Variants in SEMA3E observed in about 807,000 individuals in gnomAD.
The protein encoded by SEMA3E is semaphorin 3E, also known as semaphorin-3E.
SEMA3E carries 49 observed loss-of-function variants against 93.6 expected under a neutral mutation model. The ratio of observed to expected loss-of-function variants is 0.52; its 90% confidence interval spans 0.42 to 0.66. The LOEUF is 0.66. SEMA3E is among the 30% of genes least tolerant of loss of function. The probability of loss-of-function intolerance (pLI) is 0.00; values close to 1 mark genes in which losing one functional copy is unlikely to be tolerated. For synonymous variants in SEMA3E, 363 were observed against 330.7 expected (o/e 1.10, Z -1.06); for missense variants, 906 against 964.8 (o/e 0.94, Z 0.81).
chr7:83,478,348 A>G (rs1251362086), intron 2 of SEMA3E, among the ~76,000 whole-genome samples: 3 of 152,208 alleles, frequency 2.0e-5, no homozygotes. Context: ...GAAATATTCT[A>G]TGAGTTCCCC....
intron 1 of SEMA3E, among the ~76,000 whole-genome samples, chr7:83,500,330 G>A (rs148735385): frequency 1.8e-3 from 272 of 152,168 alleles, no homozygotes; most frequent in African/African-American, 6.1e-3. Context: ...CAGCTACTAG[G>A]GAGGCTGAGG....
chr7:83,549,194 A>T (rs762307660), intron 1 of SEMA3E, among the ~76,000 whole-genome samples: 7 of 152,144 alleles, frequency 4.6e-5, no homozygotes, highest in Non-Finnish European at 7.4e-5. Flanking sequence ...ATTTTATACC[A>T]ATTTATATTT....
At chr7:83,554,595 A>C (rs2115813421) in intron 1 of SEMA3E, among the ~76,000 whole-genome samples, 1 of 152,266 alleles carries the variant, frequency 6.6e-6, no homozygotes, top group Non-Finnish European at 1.5e-5. Context: ...GTAGTAATGT[A>C]ATATCAAAAG....
At chr7:83,507,360 G>C (rs1790722971) in intron 1 of SEMA3E, among the ~76,000 whole-genome samples, 1 of 151,172 alleles carries the variant, frequency 6.6e-6, no homozygotes, top group African/African-American at 2.4e-5. Flanking sequence ...TTAAAGTGAT[G>C]ATATAATTCT....
intron 1 of SEMA3E, among the ~76,000 whole-genome samples, chr7:83,634,514 A>G (rs952098311): frequency 4.6e-5 from 7 of 152,132 alleles, no homozygotes; most frequent in Non-Finnish European, 1.0e-4. Flanking sequence ...TGCCCAGTAC[A>G]TAACTTTTGT....
At chr7:83,504,478 C>G (rs1405116621) in intron 1 of SEMA3E, among the ~76,000 whole-genome samples, 1 of 152,124 alleles carries the variant, frequency 6.6e-6, no homozygotes, top group Non-Finnish European at 1.5e-5. Context: ...GTAGTGGCTA[C>G]AATGTGAGCT....
chr7:83,635,360 T>G (rs184806277), intron 1 of SEMA3E, among the ~76,000 whole-genome samples: 1 of 151,916 alleles, frequency 6.6e-6, no homozygotes, highest in Admixed American at 6.5e-5. Flanking sequence ...TCCTAATTTC[T>G]ATAGACTTCT....
At chr7:83,546,604 T>G (rs906439781) in intron 1 of SEMA3E, among the ~76,000 whole-genome samples, 13 of 152,066 alleles carry the variant, frequency 8.5e-5, no homozygotes, top group Admixed American at 3.9e-4. Context: ...CACTTTAGGA[T>G]CAACATTAGA....
At chr7:83,437,903 G>A (rs929415599) in intron 4 of SEMA3E, among the ~76,000 whole-genome samples, 8 of 152,024 alleles carry the variant, frequency 5.3e-5, no homozygotes, top group African/African-American at 1.9e-4. Context: ...GGAAAAGACA[G>A]GACAACTTGT....
At chr7:83,470,096 G>C (rs932112375) in intron 2 of SEMA3E, among the ~76,000 whole-genome samples, 8 of 152,076 alleles carry the variant, frequency 5.3e-5, no homozygotes, top group Non-Finnish European at 2.9e-5. Flanking sequence ...GTTTCCAACT[G>C]GGTATCCAAA....
intron 1 of SEMA3E, among the ~76,000 whole-genome samples, chr7:83,569,931 C>A (rs1198718010): frequency 6.6e-6 from 1 of 152,102 alleles, no homozygotes; most frequent in African/African-American, 2.4e-5. Flanking sequence ...TTATTCTCAC[C>A]CATACATGGA....
intron 4 of SEMA3E, among the ~76,000 whole-genome samples, chr7:83,462,570 C>G (rs1275069295): frequency 1.3e-5 from 2 of 152,028 alleles, no homozygotes; most frequent in Non-Finnish European, 2.9e-5. Context: ...TAAGATACCT[C>G]TACTCCCTCC....
chr7:83,442,896 T>G (rs1302912959), intron 4 of SEMA3E, among the ~76,000 whole-genome samples: 1 of 152,174 alleles, frequency 6.6e-6, no homozygotes, highest in Non-Finnish European at 1.5e-5. Flanking sequence ...GCATAGCTAA[T>G]AAAACATCCT....
At chr7:83,473,886 G>T (rs1789954163) in intron 2 of SEMA3E, among the ~76,000 whole-genome samples, 1 of 152,076 alleles carries the variant, frequency 6.6e-6, no homozygotes, top group South Asian at 2.1e-4. Flanking sequence ...CTGAGGTCAG[G>T]AGTTTGAGAC....
intron 4 of SEMA3E, among the ~76,000 whole-genome samples, chr7:83,433,647 T>C (rs1249048218): frequency 6.6e-6 from 1 of 152,144 alleles, no homozygotes. Context: ...ACATTCTGTG[T>C]TCTACAAAAA....
intron 1 of SEMA3E, among the ~76,000 whole-genome samples, chr7:83,624,094 T>G (rs1793621390): frequency 6.6e-6 from 1 of 152,236 alleles, no homozygotes; most frequent in Non-Finnish European, 1.5e-5. Flanking sequence ...GTGGTGTGTA[T>G]GTGCCACATT....
chr7:83,473,700 T>C (rs1789949677), intron 2 of SEMA3E, among the ~76,000 whole-genome samples: 1 of 152,222 alleles, frequency 6.6e-6, no homozygotes, highest in South Asian at 2.1e-4. Flanking sequence ...GGAACAGATA[T>C]TCTGATTTGT....
chr7:83,524,573 T>C (rs1187657816), intron 1 of SEMA3E, among the ~76,000 whole-genome samples: 1 of 152,172 alleles, frequency 6.6e-6, no homozygotes, highest in Non-Finnish European at 1.5e-5. Context: ...TATAGAATTG[T>C]GAGCTCTCGT....
At chr7:83,409,218 G>T (rs1329079100) in intron 5 of SEMA3E, among the ~76,000 whole-genome samples, 1 of 152,124 alleles carries the variant, frequency 6.6e-6, no homozygotes, top group African/African-American at 2.4e-5. Context: ...TGTGTCTTTT[G>T]AGTAAGAAAA....
Sources: gnomAD v4.1 joint callset for allele counts (sites outside exome capture counted in the v4.1 genomes callset) on GRCh38, gnomAD v4.1.1 for gene constraint, MANE v1.5 for transcripts, NCBI Gene and HGNC (gene_info 2026-07-23, HGNC 2026-07-21) for gene names.